Variants in IPO8 observed in about 807,000 individuals in gnomAD.
The protein encoded by IPO8 is importin 8.
A neutral mutation model predicts 141.2 loss-of-function variants in IPO8; 65 were observed. That is an observed-to-expected ratio of 0.46 (90% CI 0.38 to 0.57). The LOEUF is 0.57. IPO8 is among the 20% of genes least tolerant of loss of function. The pLI is 0.00. For synonymous variants in IPO8, 411 were observed against 420.3 expected, an observed-to-expected ratio of 0.98 and a Z score of 0.27; for missense variants, 980 against 1,246.8, an observed-to-expected ratio of 0.79 and a Z score of 3.22.
chr12:30,644,228 C>T (rs1243395254), intron 20 of IPO8, among the ~76,000 whole-genome samples: 1 of 151,902 alleles, frequency 6.6e-6, no homozygotes, highest in African/African-American at 2.4e-5. Flanking sequence ...ATGAGCTGGG[C>T]ATGGTGGCAT....
intron 4 of IPO8, 104 bp from the exon 5 acceptor site, chr12:30,680,742 A>C: frequency 4.4e-6 from 4 of 905,640 alleles, no homozygotes; most frequent in Non-Finnish European, 6.5e-6. Context: ...TAACAAAACA[A>C]AGTCATTAAC....
chr12:30,665,520 C>G (rs2052950510), intron 12 of IPO8, among the ~76,000 whole-genome samples: 1 of 151,912 alleles, frequency 6.6e-6, no homozygotes, highest in Admixed American at 6.6e-5. Flanking sequence ...ACTTTGTATC[C>G]CTTTCACATA....
intron 10 of IPO8, among the ~76,000 whole-genome samples, chr12:30,668,115 AAAAC>A (rs1456644823): frequency 6.6e-6 from 1 of 152,188 alleles, no homozygotes; most frequent in Non-Finnish European, 1.5e-5. Flanking sequence ...GCAAACTAGA[AAAAC>A]AAAGGCATAA....
intron 6 of IPO8, 115 bp from the exon 7 acceptor site, chr12:30,674,868 T>C (rs2053098826): frequency 1.4e-5 from 10 of 732,346 alleles, no homozygotes; most frequent in Admixed American, 2.1e-5. Context: ...TGAAGTTAGA[T>C]TGCTATACAA....
At chr12:30,645,359 C>CTGGGT (rs1242177430) in intron 20 of IPO8, among the ~76,000 whole-genome samples, 1 of 140,306 alleles carries the variant, frequency 7.1e-6, no homozygotes, top group Non-Finnish European at 1.5e-5. Context: ...GGTAACACAG[C>CTGGGT]AAGACTTCAT....
chr12:30,666,115 G>C, intron 11 of IPO8, 60 bp downstream of exon 11: 1 of 1,003,072 alleles, frequency 1.0e-6, no homozygotes, highest in Non-Finnish European at 1.5e-6. Flanking sequence ...GGATATACTA[G>C]AGTATCAACT....
intron 16 of IPO8, among the ~76,000 whole-genome samples, chr12:30,659,536 G>A (rs1350076593): frequency 6.6e-6 from 1 of 151,322 alleles, no homozygotes; most frequent in Non-Finnish European, 1.5e-5. Context: ...TCTTCCATTG[G>A]CACGTCATAA....
intron 5 of IPO8, chr12:30,677,394 G>A (rs1377081199): frequency 3.0e-6 from 1 of 331,290 alleles, no homozygotes; most frequent in East Asian, 7.6e-5. Flanking sequence ...ATAAAGTATA[G>A]CAATTTTATA....
chr12:30,694,983 T>C (rs1277057576), intron 1 of IPO8: 3 of 455,834 alleles, frequency 6.6e-6, no homozygotes, highest in African/African-American at 2.0e-5. Context: ...CTTACTTTGA[T>C]GTGTCTTAGA....
intron 23 of IPO8, 64 bp from the exon 24 acceptor site, chr12:30,632,075 T>A: frequency 9.6e-7 from 1 of 1,045,412 alleles, no homozygotes; most frequent in Non-Finnish European, 1.5e-6. Context: ...GAACAAGTAG[T>A]AACATGATCA....
At chr12:30,689,579 T>C (rs2053272034) in intron 2 of IPO8, among the ~76,000 whole-genome samples, 1 of 152,226 alleles carries the variant, frequency 6.6e-6, no homozygotes, top group South Asian at 2.1e-4. Context: ...CAAAGCTTAA[T>C]ATTTCTTTAT....
Position 30,665,227 on chromosome 12 carries a change from C to T in IPO8, c.1421G>A (p.Arg474Gln), listed in dbSNP as rs773778609. Residue 474 changes from arginine to glutamine, a missense_variant, in exon 13 of 25, where the codon CGA (arginine) becomes CAA (glutamine). By Grantham distance (43) the Arg-to-Gln change is conservative. Transcript: ENST00000256079. ...PLLLSNLGYL[R>Q]ARSCWVLHAF... Reference sequence around the variant, plus strand: ...GAAATATGAAAAACTTACTCTAGCTCGAAGATATCCCAGGTTAGACAATAA... The same window carrying T: ...GAAATATGAAAAACTTACTCTAGCTTGAAGATATCCCAGGTTAGACAATAA... 3 of 1,537,988 alleles carry T rather than the reference C, an allele frequency of 2.0e-6. No homozygotes were observed. Among genetic ancestry groups the T allele is most frequent in the Non-Finnish European group, 8.9e-7 (1 of 1,118,120 alleles).
At chr12:30,638,143 C>T (rs1486636899) in intron 21 of IPO8, among the ~76,000 whole-genome samples, 1 of 152,122 alleles carries the variant, frequency 6.6e-6, no homozygotes, top group East Asian at 1.9e-4. Flanking sequence ...GGAAGCACAA[C>T]CCAAGGACTC....
rs1472810496 is a variant in IPO8 at position 30,676,989 on chromosome 12, C to A, written c.640-402G>T. ...AAACATTTTTTTAAATTACTTTCCT[C>A]TACACTGTAGCATAATAACTACAGT... On this transcript the variant is annotated intron_variant, in intron 5 of 24. Transcript: ENST00000256079. The A allele has an allele frequency of 3.3e-6, 5 of 1,528,660 alleles. No homozygotes were observed. In the African/African-American group the frequency reaches 6.9e-5, roughly 21 times the overall value. 94.7% of individuals were successfully genotyped at this position (1,528,660 alleles called of 1,614,324 possible).
intron 20 of IPO8, among the ~76,000 whole-genome samples, chr12:30,641,215 A>G (rs999244618): frequency 6.6e-6 from 1 of 152,226 alleles, no homozygotes; most frequent in Non-Finnish European, 1.5e-5. Flanking sequence ...CTATCAGGTG[A>G]TCTGCAGGAT....
intron 15 of IPO8, among the ~76,000 whole-genome samples, chr12:30,662,035 G>A (rs747480113): frequency 3.9e-5 from 6 of 152,166 alleles, no homozygotes; most frequent in Non-Finnish European, 7.4e-5. Context: ...GGCAAATCTA[G>A]ATGGCATAGC....
chr12:30,641,263 A>T (rs986193239), intron 20 of IPO8, among the ~76,000 whole-genome samples: 6 of 152,202 alleles, frequency 3.9e-5, no homozygotes, highest in African/African-American at 1.4e-4. Context: ...GAAAATGTAT[A>T]GTATGCTACC....
Position 30,663,511 on chromosome 12 carries a change from A to G in IPO8, c.1572T>C (p.Ser524=). ...TACCTTGTATCTGGTTAGAAATTAA[A>G]GACTGAAGAGCAAGGGCAGCTTCAA... is the stretch of plus-strand genomic sequence containing the variant. ...VKVEAALALQ[S]LISNQIQAKE... The change falls in exon 14 of 25, where the codon TCT becomes TCC. Residue 524 remains serine, a synonymous_variant. Transcript: ENST00000256079. 6.2e-7 allele frequency: 1 copy of G among 1,613,032 alleles called. No homozygotes were observed. The highest frequency in any genetic ancestry group is 8.5e-7 in the Non-Finnish European group (1 of 1,179,612).
intron 20 of IPO8, among the ~76,000 whole-genome samples, chr12:30,640,053 A>G (rs1292537153): frequency 6.6e-6 from 1 of 152,210 alleles, no homozygotes; most frequent in East Asian, 1.9e-4. Context: ...AGCCACTTGC[A>G]CATCTAAGGT....
Sources: allele counts gnomAD v4.1 joint callset (sites outside exome capture counted in the v4.1 genomes callset), GRCh38; gene constraint gnomAD v4.1.1; transcripts MANE v1.5; gene names NCBI Gene and HGNC (gene_info 2026-07-23, HGNC 2026-07-21).